The following PACS2 variants were observed in gnomAD, a reference collection of about 807,000 sequenced individuals.
PACS2 encodes the protein PACS1-like protein.
In PACS2, 36 loss-of-function variants were observed where a neutral mutation model predicts 113.0. That is an observed-to-expected ratio of 0.32 (90% CI 0.24 to 0.42). The LOEUF (loss-of-function observed/expected upper bound fraction) is 0.42. Ranked by LOEUF, PACS2 falls within the 10% of genes least tolerant of loss-of-function variation. The probability of loss-of-function intolerance (pLI) is 1.00; values close to 1 mark genes in which losing one functional copy is unlikely to be tolerated. For synonymous variants in PACS2, 589 were observed against 536.1 expected (o/e 1.10, Z -1.36); for missense variants, 1,015 against 1,239.5 (o/e 0.82, Z 2.72).
In PACS2 at chr14:105,366,517, G is replaced by A. The variant is rs187076429; in HGVS notation, c.424-696G>A. On this transcript the variant is annotated intron_variant, in intron 4 of 24. Coordinates refer to ENST00000447393, the MANE Select transcript of PACS2 (RefSeq NM_001100913.3). This position sits in a 1 kb window ranked among gnomAD's most constrained non-coding sequence, Gnocchi z 4.3. ...GGCTGGCGTGGGGCACGGCGGGGCT[G>A]TGCCTGGGTACAGGTCGTGGCTGCA... 3.8e-4 allele frequency among the ~76,000 whole-genome samples: 58 copies of A among 152,352 alleles called. No individual in the cohort carries two copies. The highest frequency in any genetic ancestry group is 1.4e-3 in the African/African-American group (57 of 41,582).
intron 24 of PACS2, chr14:105,394,115 T>C (rs1445777595): frequency 2.7e-6 from 2 of 729,030 alleles, no homozygotes; most frequent in African/African-American, 1.9e-5. Flanking sequence ...TCTGGGAGGC[T>C]TTCCTCTTTT....
At chr14:105,338,506 C>T (rs1213168673) in intron 1 of PACS2, among the ~76,000 whole-genome samples, 1 of 152,160 alleles carries the variant, frequency 6.6e-6, no homozygotes, top group Admixed American at 6.5e-5. Flanking sequence ...TGCCACAGCT[C>T]GCTCACCCCA....
chr14:105,387,334 A>G (rs1247996609), intron 19 of PACS2, among the ~76,000 whole-genome samples: 4 of 152,134 alleles, frequency 2.6e-5, no homozygotes, highest in Non-Finnish European at 2.9e-5. Flanking sequence ...CACTCCTCCT[A>G]TGAGGGCAGG....
Position 105,354,094 on chromosome 14 carries a change from A to G in PACS2, c.298-958A>G, listed in dbSNP as rs918299042. ...CAGAGTGAGACTCCATCTCAAAAAA[A>G]AGAGAGAATATAATAACGAGGGCAA... On this transcript the variant is annotated intron_variant, in intron 3 of 24. Coordinates refer to ENST00000447393, the MANE Select transcript of PACS2 (RefSeq NM_001100913.3). The surrounding 1 kb of genome is among the most constrained non-coding windows in gnomAD (Gnocchi z 4.2). Among the ~76,000 whole-genome samples the G allele has an allele frequency of 6.6e-6, 1 of 152,030 alleles. No homozygotes were observed. The highest frequency in any genetic ancestry group is 1.9e-4 in the East Asian group (1 of 5,140).
chr14:105,380,386 C>T (rs1468888148), intron 11 of PACS2, among the ~76,000 whole-genome samples: 10 of 151,162 alleles, frequency 6.6e-5, no homozygotes, highest in African/African-American at 2.4e-4. Context: ...CCCTCAGGGT[C>T]AGGGCAGCTG....
chr14:105,364,386 C>A (rs1234312128), intron 4 of PACS2, among the ~76,000 whole-genome samples: 2 of 98,370 alleles, frequency 2.0e-5, no homozygotes, highest in Non-Finnish European at 3.9e-5. Flanking sequence ...CCCGGGTGCG[C>A]GGTGGGCGGT....
Position 105,315,237 on chromosome 14 carries a change from C to A in PACS2, c.119+200C>A, listed in dbSNP as rs1595539938. 5.4e-6 allele frequency: 1 copy of A among 184,260 alleles called. No homozygotes were observed. The highest frequency in any genetic ancestry group is 1.1e-5 in the Non-Finnish European group (1 of 94,566). The allele number at this position is 184,260 out of a possible 1,614,324, so 11.4% of individuals were successfully genotyped here. A position where few individuals can be genotyped will look rare whatever the true frequency, so the allele number is the denominator to read the frequency against. On this transcript the variant is annotated intron_variant, in intron 1 of 24. Coordinates refer to ENST00000447393, the MANE Select transcript of PACS2 (RefSeq NM_001100913.3). The surrounding 1 kb of genome is among the most constrained non-coding windows in gnomAD (Gnocchi z 4.4). ...AGCGCGGCCCCAGCCCCCCAGGTCCCGAGCACCGGGGGCCGCGCTCAGCTT... is the reference window on the plus strand; with the variant it reads ...AGCGCGGCCCCAGCCCCCCAGGTCCAGAGCACCGGGGGCCGCGCTCAGCTT...
At chr14:105,347,446 A>T (rs1433091009) in intron 1 of PACS2, among the ~76,000 whole-genome samples, 3 of 152,034 alleles carry the variant, frequency 2.0e-5, no homozygotes, top group African/African-American at 7.2e-5. Flanking sequence ...GCTGCGTTCC[A>T]TGGCCTGACT....
At chr14:105,384,495 A>G (rs1555413061) in intron 17 of PACS2, 32 bp downstream of exon 17, 1 of 1,463,180 alleles carries the variant, frequency 6.8e-7, no homozygotes. Context: ...AGCCCACGCC[A>G]CGGCGGGAGG....
Position 105,368,095 on chromosome 14 carries a change from A to G in PACS2, c.608A>G (p.Tyr203Cys). The G allele has an allele frequency of 6.2e-7, 1 of 1,610,880 alleles. No individual in the cohort carries two copies. The highest frequency in any genetic ancestry group is 1.1e-5 in the South Asian group (1 of 91,046). ...GCAGATAACTACTCCGAGGAGGAGT[A>G]TGAGAGCTTCTCCTCCGAGCAGGAG... ...KSTDNYSEEE[Y>C]ESFSSEQEAS... is the part of the protein sequence containing the mutation. Residue 203 changes from tyrosine to cysteine, a missense_variant, in exon 6 of 25, where the codon TAT becomes TGT. Physicochemically the swap from Tyr to Cys is radical, Grantham distance 194. This residue lies in a region of PACS2 where 859 missense variants were observed against 1,056.8 expected (regional missense o/e 0.81). Transcript: ENST00000447393.
At chr14:105,325,219 G>A (rs1001746919) in intron 1 of PACS2, among the ~76,000 whole-genome samples, 1 of 151,698 alleles carries the variant, frequency 6.6e-6, no homozygotes, top group East Asian at 1.9e-4. Flanking sequence ...GCTGTGGCTC[G>A]GGGTGGGGTG....
rs183831333 is a variant in PACS2 at position 105,357,916 on chromosome 14, C to A, written c.423+2739C>A. Reference sequence around the variant, plus strand: ...CTTGAGGGCACAGGGTGGGGTGAGGCGGGCTGTTGGGCGGACTCGAGGCCA... The same window carrying A: ...CTTGAGGGCACAGGGTGGGGTGAGGAGGGCTGTTGGGCGGACTCGAGGCCA... On this transcript the variant is annotated intron_variant, in intron 4 of 24. Transcript: ENST00000447393. The surrounding 1 kb of genome is among the most constrained non-coding windows in gnomAD (Gnocchi z 5.1). 1.3e-5 allele frequency among the ~76,000 whole-genome samples: 2 copies of A among 151,926 alleles called. No homozygotes were observed. Among genetic ancestry groups the A allele is most frequent in the Non-Finnish European group, 2.9e-5 (2 of 67,976 alleles).
rs2060924165 is a variant in PACS2, at chr14:105,365,827, G to A, written c.424-1386G>A. On this transcript the variant is annotated intron_variant, in intron 4 of 24. Transcript: ENST00000447393. This position sits in a 1 kb window ranked among gnomAD's most constrained non-coding sequence, Gnocchi z 5.1. ...GATGCCACTCTGAGAAGGCGACTCA[G>A]GGTGCTGGGGGCCTGGACAACAGCA... Among the ~76,000 whole-genome samples the A allele has an allele frequency of 2.6e-5, 4 of 152,216 alleles. No individual in the cohort carries two copies. The South Asian group carries it at 8.3e-4, about 32-fold the overall frequency.
At position 105,329,292 on chromosome 14, in the gene PACS2, C is replaced by T. The variant is rs772852941; in HGVS notation, c.119+14255C>T. Among the ~76,000 whole-genome samples, 2 of 152,196 alleles carry T rather than the reference C, an allele frequency of 1.3e-5. No individual in the cohort carries two copies. Among genetic ancestry groups the T allele is most frequent in the Admixed American group, 6.5e-5 (1 of 15,282 alleles). On this transcript the variant is annotated intron_variant, in intron 1 of 24. Coordinates refer to ENST00000447393, the MANE Select transcript of PACS2 (RefSeq NM_001100913.3). The surrounding 1 kb of genome is among the most constrained non-coding windows in gnomAD (Gnocchi z 6.4). ...AGCTGCCCTGTGTGATCTCTGTCCCCGTCTTCTCCCGGCTTCCTTGGGTCC... is the reference window on the plus strand; with the variant it reads ...AGCTGCCCTGTGTGATCTCTGTCCCTGTCTTCTCCCGGCTTCCTTGGGTCC...
chr14:105,314,680 C>T (rs1386912197), upstream of PACS2: 3 of 142,314 alleles, frequency 2.1e-5, no homozygotes, highest in Non-Finnish European at 3.1e-5. Flanking sequence ...GGGCGCCGGG[C>T]GCGCGCGGGG....
chr14:105,327,909 C>T (rs1027998554), intron 1 of PACS2, among the ~76,000 whole-genome samples: 4 of 151,122 alleles, frequency 2.6e-5, no homozygotes, highest in Non-Finnish European at 5.9e-5. Flanking sequence ...CCAGGCCACC[C>T]GAGGGGCCAT....
intron 24 of PACS2, chr14:105,394,252 C>T (rs986989577): frequency 6.1e-6 from 6 of 985,136 alleles, no homozygotes; most frequent in East Asian, 1.1e-4. Flanking sequence ...GGACGAGCAG[C>T]GCCTGGCGGA....
rs1030341514 is a variant in PACS2 at position 105,356,486 on chromosome 14, C to G, written c.423+1309C>G. Among the ~76,000 whole-genome samples the G allele has an allele frequency of 6.6e-6, 1 of 152,192 alleles. No homozygotes were observed. Among genetic ancestry groups the G allele is most frequent in the Non-Finnish European group, 1.5e-5 (1 of 68,020 alleles). ...AGGGCCCTGGGACCCCTCTGGTGGCCTGGAGCTGCCCATCATCCCAGCCTC... is the reference window on the plus strand; with the variant it reads ...AGGGCCCTGGGACCCCTCTGGTGGCGTGGAGCTGCCCATCATCCCAGCCTC... On this transcript the variant is annotated intron_variant, in intron 4 of 24. Coordinates refer to ENST00000447393, the MANE Select transcript of PACS2 (RefSeq NM_001100913.3). The surrounding 1 kb of genome is among the most constrained non-coding windows in gnomAD (Gnocchi z 4.0).
intron 1 of PACS2, among the ~76,000 whole-genome samples, chr14:105,326,868 C>A (rs775691313): frequency 1.5e-4 from 23 of 152,332 alleles, no homozygotes; most frequent in African/African-American, 5.3e-4. Context: ...CCAGTCACCG[C>A]CAGCCTGCCC....
Sources: gnomAD v4.1 joint callset for allele counts (sites outside exome capture counted in the v4.1 genomes callset) on GRCh38, gnomAD v4.1.1 for gene constraint, gnomAD v4.1.1 regional missense constraint, Gnocchi (gnomAD v3.1) non-coding constraint, MANE v1.5 for transcripts, NCBI Gene and HGNC (gene_info 2026-07-23, HGNC 2026-07-21) for gene names.